KAZN: variants seen among roughly 807,000 people sequenced by gnomAD.
The protein encoded by KAZN is kazrin, periplakin interacting protein.
In KAZN, 40 loss-of-function variants were observed where a neutral mutation model predicts 87.4. The observed-to-expected ratio is 0.46, with a 90% CI of 0.36 to 0.60. The LOEUF is 0.60. Ranked by LOEUF, KAZN falls within the 20% of genes least tolerant of loss-of-function variation. The pLI is 0.00. For missense variants in KAZN, 898 were observed against 1,073.9 expected (o/e 0.84, Z 2.29); for synonymous variants, 466 against 458.3 (o/e 1.02, Z -0.22).
intron 1 of KAZN, among the ~76,000 whole-genome samples, chr1:13,954,919 T>C (rs1641486136): frequency 6.6e-6 from 1 of 152,234 alleles, no homozygotes; most frequent in Non-Finnish European, 1.5e-5. Flanking sequence ...TTTCCAATGC[T>C]AGAAGTATAA....
chr1:14,129,509 T>C (rs1644946374), intron 1 of KAZN, among the ~76,000 whole-genome samples: 1 of 152,212 alleles, frequency 6.6e-6, no homozygotes, highest in Non-Finnish European at 1.5e-5. Flanking sequence ...TCCTCCACTT[T>C]CCAGTGGGAG....
intron 2 of KAZN, among the ~76,000 whole-genome samples, chr1:14,558,629 G>A (rs869822): frequency 2.6e-5 from 4 of 152,270 alleles, no homozygotes; most frequent in African/African-American, 9.6e-5. Context: ...TATATCTTCA[G>A]TATAAAAGAG....
rs114342015 is a variant in KAZN, at chr1:14,881,087, G to A, written c.227-79597G>A. 3.5e-3 allele frequency among the ~76,000 whole-genome samples: 533 copies of A among 152,278 alleles called. 1 individual carries two copies. The highest frequency in any genetic ancestry group is 0.012 in the African/African-American group (505 of 41,548). ...CACAGGATCCATTCTTGGAGCATGC[G>A]GTAACTGAGCTCACAGCCAAATTGC... On this transcript the variant is annotated intron_variant, in intron 1 of 14. Transcript: ENST00000376030.
intron 2 of KAZN, among the ~76,000 whole-genome samples, chr1:14,990,332 C>T (rs1251408475): frequency 6.6e-6 from 1 of 152,192 alleles, no homozygotes; most frequent in Non-Finnish European, 1.5e-5. Flanking sequence ...AAGCAGTTCT[C>T]CCACCTCAGC....
At chr1:14,313,709 C>A (rs1419684881) in intron 2 of KAZN, among the ~76,000 whole-genome samples, 6 of 152,120 alleles carry the variant, frequency 3.9e-5, no homozygotes, top group Non-Finnish European at 7.4e-5. Context: ...TCATCTAGAT[C>A]ATCATCACCC....
chr1:14,474,146 G>A (rs1424533217), intron 2 of KAZN, among the ~76,000 whole-genome samples: 1 of 152,190 alleles, frequency 6.6e-6, no homozygotes, highest in Admixed American at 6.5e-5. Context: ...AAGGTAGTGG[G>A]TGAGAAATAA....
intron 1 of KAZN, among the ~76,000 whole-genome samples, chr1:14,869,776 G>C (rs1444480108): frequency 6.6e-6 from 1 of 152,176 alleles, no homozygotes; most frequent in African/African-American, 2.4e-5. Context: ...AAGCTTTCAG[G>C]TGAGACTCCC....
chr1:14,510,314 G>A (rs1172989869), intron 2 of KAZN, among the ~76,000 whole-genome samples: 1 of 151,280 alleles, frequency 6.6e-6, no homozygotes, highest in Non-Finnish European at 1.5e-5. Context: ...GGGGGTGGAG[G>A]TTGCAGTGAG....
chr1:14,290,771 A>G (rs576867513), intron 2 of KAZN, among the ~76,000 whole-genome samples: 1 of 152,224 alleles, frequency 6.6e-6, no homozygotes, highest in East Asian at 1.9e-4. Flanking sequence ...CTGGGTTTTA[A>G]AATTTTCAGC....
chr1:15,103,980 C>T (rs1163006948), intron 12 of KAZN, 43 bp from the exon 13 acceptor site: 1 of 1,589,806 alleles, frequency 6.3e-7, no homozygotes, highest in Non-Finnish European at 8.6e-7. Flanking sequence ...AGGCCAGCAG[C>T]ATGGCCCCTG....
rs201137157 is a variant in KAZN at position 14,238,705 on chromosome 1, A to G, written c.249+58113A>G. On this transcript the variant is annotated intron_variant, in intron 2 of 16. Transcript: ENST00000636203. ...CTCAGAGGGTACTTGGCCAAGCCCA[A>G]TGAGCTGCTCCGGAGGGGTGTTGCA... Among the ~76,000 whole-genome samples, 832 of 152,344 alleles carry G rather than the reference A, an allele frequency of 5.5e-3. 2 individuals carry two copies. Among genetic ancestry groups the G allele is most frequent in the Non-Finnish European group, 8.7e-3 (589 of 68,028 alleles).
chr1:14,634,245 A>T (rs1426668694), intron 1 of KAZN, among the ~76,000 whole-genome samples: 1 of 152,212 alleles, frequency 6.6e-6, no homozygotes. Flanking sequence ...TCCTTCCCCA[A>T]GAACCCTGTC....
intron 2 of KAZN, among the ~76,000 whole-genome samples, chr1:14,384,799 C>T (rs28796630): frequency 0.048 from 7,217 of 150,056 alleles, 268 homozygotes; most frequent in East Asian, 0.26. Context: ...TGTCTCTGCC[C>T]GGCTTTGGTA....
At chr1:14,153,020 G>A (rs963300549) in intron 1 of KAZN, among the ~76,000 whole-genome samples, 12 of 151,930 alleles carry the variant, frequency 7.9e-5, no homozygotes, top group Admixed American at 2.0e-4. Context: ...TAGATCTTTC[G>A]CCCACTTAAA....
At chr1:14,887,205 C>T (rs1189816714) in intron 1 of KAZN, among the ~76,000 whole-genome samples, 2 of 152,160 alleles carry the variant, frequency 1.3e-5, no homozygotes, top group African/African-American at 4.8e-5. Flanking sequence ...TATTATTTTA[C>T]CCCCTGTGAA....
intron 2 of KAZN, among the ~76,000 whole-genome samples, chr1:14,274,268 A>C (rs999905907): frequency 3.9e-5 from 6 of 152,220 alleles, no homozygotes; most frequent in Non-Finnish European, 7.3e-5. Flanking sequence ...GAAATGGGAT[A>C]AGTGGCTCCC....
At chr1:14,431,691 C>T (rs1666080732) in intron 2 of KAZN, among the ~76,000 whole-genome samples, 1 of 152,164 alleles carries the variant, frequency 6.6e-6, no homozygotes, top group Non-Finnish European at 1.5e-5. Context: ...CTTCTTCTTC[C>T]TGCCTTGAAT....
At chr1:14,916,291 T>C (rs1415019533) in intron 1 of KAZN, among the ~76,000 whole-genome samples, 6 of 147,760 alleles carry the variant, frequency 4.1e-5, no homozygotes. Flanking sequence ...TGCCTCAGCC[T>C]CCCGAGCAGC....
chr1:14,572,636 T>C (rs916171940), intron 2 of KAZN, among the ~76,000 whole-genome samples: 2 of 152,218 alleles, frequency 1.3e-5, no homozygotes, highest in Admixed American at 6.5e-5. Context: ...CGAGCGGCTC[T>C]GTCGCATTGA....
Sources: gnomAD v4.1 joint callset for allele counts (sites outside exome capture counted in the v4.1 genomes callset) on GRCh38, gnomAD v4.1.1 for gene constraint, MANE v1.5 for transcripts, NCBI Gene and HGNC (gene_info 2026-07-23, HGNC 2026-07-21) for gene names.